Variants in INSL6 observed in about 807,000 individuals in gnomAD.
INSL6 encodes insulin-like peptide INSL6.
Under a neutral mutation model 9.4 loss-of-function variants are expected in INSL6, and 16 were observed. That is an observed-to-expected ratio of 1.70 (90% CI 1.15 to 2.59). INSL6 has a LOEUF of 2.59. Among genes scored for constraint, INSL6 ranks in the 30% most tolerant of loss-of-function variants. The probability of loss-of-function intolerance (pLI) is 0.00; values close to 1 mark genes in which losing one functional copy is unlikely to be tolerated. For synonymous variants in INSL6, 154 were observed against 96.9 expected, an observed-to-expected ratio of 1.59 and a Z score of -3.46; for missense variants, 391 against 257.3, an observed-to-expected ratio of 1.52 and a Z score of -3.56.
chr9:5,052,136 T>G, the INSL6 span, among the ~76,000 whole-genome samples: 1 of 152,076 alleles, frequency 6.6e-6, no homozygotes, highest in African/African-American at 2.4e-5. Flanking sequence ...CCATTGAAGA[T>G]GAATGTTATA....
intron 2 of INSL6, among the ~76,000 whole-genome samples, chr9:5,154,531 C>A (rs1224572043): frequency 1.3e-5 from 2 of 152,168 alleles, no homozygotes; most frequent in Non-Finnish European, 2.9e-5. Flanking sequence ...TCAGAGTGAA[C>A]AGGCAACCTA....
At chr9:5,114,044 T>C in the INSL6 span, 2 of 318,886 alleles carry the variant, frequency 6.3e-6, no homozygotes, top group African/African-American at 2.2e-5. Flanking sequence ...TACTGGAGGA[T>C]GAGCTGGCCT....
At chr9:5,167,548 C>T (rs1454726666) in intron 1 of INSL6, among the ~76,000 whole-genome samples, 7 of 152,342 alleles carry the variant, frequency 4.6e-5, no homozygotes, top group Admixed American at 2.6e-4. Flanking sequence ...TTCCCCCTCA[C>T]GGAGCAGGGC....
the INSL6 span, among the ~76,000 whole-genome samples, chr9:5,051,967 G>GA: frequency 1.6e-3 from 230 of 145,170 alleles, 6 homozygotes; most frequent in South Asian, 0.011. Flanking sequence ...AAGCCCAAAG[G>GA]AAAAAAAAAA....
intron 2 of INSL6, among the ~76,000 whole-genome samples, chr9:5,141,016 C>G (rs1446881983): frequency 6.6e-6 from 1 of 152,110 alleles, no homozygotes; most frequent in Non-Finnish European, 1.5e-5. Flanking sequence ...CTAGCTCCAT[C>G]CATGTCCCTG....
downstream of INSL6, among the ~76,000 whole-genome samples, chr9:5,158,907 T>A (rs1417313335): frequency 6.6e-6 from 1 of 151,994 alleles, no homozygotes; most frequent in Non-Finnish European, 1.5e-5. Context: ...AGATGAAAGA[T>A]AAAATCATCA....
At chr9:5,139,292 G>C (rs940078166) in intron 2 of INSL6, among the ~76,000 whole-genome samples, 4 of 152,000 alleles carry the variant, frequency 2.6e-5, no homozygotes, top group Non-Finnish European at 4.4e-5. Context: ...CAGTTTAGTG[G>C]CCATTTGTTC....
At chr9:5,168,488 G>C (rs1443687182) in intron 1 of INSL6, among the ~76,000 whole-genome samples, 1 of 152,110 alleles carries the variant, frequency 6.6e-6, no homozygotes, top group South Asian at 2.1e-4. Context: ...ATCAGAGCTT[G>C]AAGACTATCT....
chr9:5,152,367 A>C (rs1824728549), intron 2 of INSL6, among the ~76,000 whole-genome samples: 3 of 152,234 alleles, frequency 2.0e-5, no homozygotes, highest in Admixed American at 1.3e-4. Context: ...AAATATTGTC[A>C]ACAACATATT....
chr9:5,128,088 G>T (rs1164289294), intron 3 of INSL6: 1 of 160,750 alleles, frequency 6.2e-6, no homozygotes, highest in Non-Finnish European at 1.3e-5. Context: ...TTTTGTGTGT[G>T]TGTGTGTGTG....
chr9:5,069,233 T>A, the INSL6 span: 3 of 1,483,478 alleles, frequency 2.0e-6, no homozygotes, highest in East Asian at 4.5e-5. Context: ...TAGTTATTTT[T>A]AAATTACTGG....
chr9:4,993,846 C>G, the INSL6 span, among the ~76,000 whole-genome samples: 1 of 152,212 alleles, frequency 6.6e-6, no homozygotes, highest in Non-Finnish European at 1.5e-5. Context: ...TGGACATTCT[C>G]CCCACGTCTG....
downstream of INSL6, among the ~76,000 whole-genome samples, chr9:5,123,555 T>TG (rs141854699): frequency 8.0e-3 from 1,213 of 152,142 alleles, 16 homozygotes; most frequent in African/African-American, 0.028. Context: ...CATCCACTGA[T>TG]GGACACTTAG....
At chr9:5,009,306 A>G in the INSL6 span, among the ~76,000 whole-genome samples, 9 of 152,224 alleles carry the variant, frequency 5.9e-5, no homozygotes, top group Admixed American at 5.9e-4. Context: ...TTCATGATAA[A>G]GAATAAAGCC....
chr9:5,182,167 A>G (rs963757319), intron 1 of INSL6, among the ~76,000 whole-genome samples: 7 of 152,158 alleles, frequency 4.6e-5, no homozygotes, highest in African/African-American at 1.7e-4. Flanking sequence ...TACATAGGTT[A>G]GGTGTTCAAA....
intron 2 of INSL6, among the ~76,000 whole-genome samples, chr9:5,151,055 A>G (rs2130894931): frequency 6.6e-6 from 1 of 152,320 alleles, no homozygotes; most frequent in Admixed American, 6.5e-5. Context: ...AAAGTATGGA[A>G]TGACAGACAA....
the INSL6 span, chr9:5,069,132 T>C: frequency 2.5e-6 from 4 of 1,613,234 alleles, no homozygotes; most frequent in East Asian, 6.7e-5. Context: ...ATCTTTTGAA[T>C]TGTTACCAGA....
At position 5,146,004 on chromosome 9, in the gene INSL6, C is replaced by A. The variant is rs1357526143; in HGVS notation, c.377-12412G>T. Reference sequence around the variant, plus strand: ...ACTCTTGCTGGAGAAGTGATGTGGTCATTTGGAGGAAAGAAGGTACTCTGG... The same window carrying A: ...ACTCTTGCTGGAGAAGTGATGTGGTAATTTGGAGGAAAGAAGGTACTCTGG... On this transcript the variant is annotated intron_variant, in intron 2 of 3. Coordinates refer to the INSL6 transcript ENST00000649639. 2.0e-5 allele frequency among the ~76,000 whole-genome samples: 3 copies of A among 152,136 alleles called. No individual in the cohort carries two copies. The East Asian group carries it at 5.8e-4, about 29-fold the overall frequency.
the INSL6 span, chr9:5,054,704 T>C: frequency 6.2e-7 from 1 of 1,613,392 alleles, no homozygotes; most frequent in South Asian, 1.1e-5. The surrounding 1 kb of genome is among the most constrained non-coding windows in gnomAD (Gnocchi z 4.9). Flanking sequence ...ACTTGAAACT[T>C]AAGTATCTTA....
Sources: gnomAD v4.1 joint callset for allele counts (sites outside exome capture counted in the v4.1 genomes callset) on GRCh38, gnomAD v4.1.1 for gene constraint, Gnocchi (gnomAD v3.1) non-coding constraint, MANE v1.5 for transcripts, NCBI Gene and HGNC (gene_info 2026-07-23, HGNC 2026-07-21) for gene names.